The following SF3B3 variants were observed in gnomAD, a reference collection of about 807,000 sequenced individuals.
The protein encoded by SF3B3 is SAP 130.
Under a neutral mutation model 139.2 loss-of-function variants are expected in SF3B3, and 33 were observed. The observed-to-expected ratio is 0.24, with a 90% CI of 0.18 to 0.32. The LOEUF (loss-of-function observed/expected upper bound fraction) is 0.32. SF3B3 is among the 10% of genes least tolerant of loss of function. The pLI is 1.00. For missense variants in SF3B3, 818 were observed against 1,509.4 expected, an observed-to-expected ratio of 0.54 and a Z score of 7.59; for synonymous variants, 596 against 563.6, an observed-to-expected ratio of 1.06 and a Z score of -0.81.
intron 16 of SF3B3, among the ~76,000 whole-genome samples, chr16:70,561,055 CTG>C (rs1157624186): frequency 6.6e-6 from 1 of 151,470 alleles, no homozygotes; most frequent in African/African-American, 2.4e-5. Flanking sequence ...GAGTCTCACT[CTG>C]TCGCCCAGGC....
Position 70,543,101 on chromosome 16 carries a change from T to C in SF3B3, c.1233+1267T>C, listed in dbSNP as rs570735336. Among the ~76,000 whole-genome samples, 26 of 152,230 alleles carry C rather than the reference T, an allele frequency of 1.7e-4. No individual in the cohort carries two copies. In the South Asian group the frequency reaches 5.2e-3, roughly 30 times the overall value. ...AATTTGAATAAATAATGTGTGTAAA[T>C]AGTTTATTCATCAAGAATAAAATTA... On this transcript the variant is annotated intron_variant, in intron 9 of 25. Coordinates refer to ENST00000302516, the MANE Select transcript of SF3B3 (RefSeq NM_012426.5).
At chr16:70,566,408 A>G (rs1387590884) in intron 20 of SF3B3, among the ~76,000 whole-genome samples, 2 of 151,838 alleles carry the variant, frequency 1.3e-5, no homozygotes, top group South Asian at 2.1e-4. Context: ...ATTAAAAATA[A>G]AAAATCAGCC....
intron 7 of SF3B3, among the ~76,000 whole-genome samples, 193 bp downstream of exon 7, chr16:70,538,653 T>C (rs2050190438): frequency 6.6e-6 from 1 of 152,224 alleles, no homozygotes; most frequent in African/African-American, 2.4e-5. Context: ...AGAGCGGCAA[T>C]GCCACTTGTA....
At chr16:70,551,331 C>T (rs1250913161) in intron 11 of SF3B3, among the ~76,000 whole-genome samples, 4 of 152,074 alleles carry the variant, frequency 2.6e-5, no homozygotes, top group Admixed American at 2.6e-4. Context: ...ACTTGAATTC[C>T]TTAGAATGCA....
chr16:70,540,481 C>G (rs1315926078), intron 8 of SF3B3, among the ~76,000 whole-genome samples: 1 of 152,066 alleles, frequency 6.6e-6, no homozygotes, highest in Non-Finnish European at 1.5e-5. Flanking sequence ...CATCCTCGAC[C>G]TCCCAGGCTC....
chr16:70,530,699 TCTC>T, intron 3 of SF3B3, 43 bp from the exon 4 acceptor site: 2 of 1,508,292 alleles, frequency 1.3e-6, no homozygotes, highest in South Asian at 1.2e-5. Flanking sequence ...AAGTCTCTCT[TCTC>T]ATTATCTGGG....
At chr16:70,564,168 C>G (rs758983906) in intron 18 of SF3B3, 118 bp downstream of exon 18, 2 of 994,636 alleles carry the variant, frequency 2.0e-6, no homozygotes, top group Admixed American at 2.6e-5. Context: ...GCCACTAGTT[C>G]GAGACCAGCC....
At chr16:70,554,889 C>A (rs984562181) in intron 12 of SF3B3, among the ~76,000 whole-genome samples, 162 bp from the exon 13 acceptor site, 1 of 152,174 alleles carries the variant, frequency 6.6e-6, no homozygotes, top group Non-Finnish European at 1.5e-5. Context: ...TAAAAGTTGA[C>A]CTTGCCTGAG....
intron 15 of SF3B3, among the ~76,000 whole-genome samples, chr16:70,559,132 C>T (rs527314167): frequency 2.6e-5 from 4 of 152,274 alleles, no homozygotes; most frequent in South Asian, 4.1e-4. Flanking sequence ...CCCGTCAACC[C>T]TTTACTTACA....
intron 10 of SF3B3, among the ~76,000 whole-genome samples, chr16:70,545,000 A>G (rs1277969485): frequency 6.6e-6 from 1 of 152,156 alleles, no homozygotes; most frequent in Non-Finnish European, 1.5e-5. Context: ...TGCTATATAT[A>G]TTTTTGTATC....
At chr16:70,567,294 C>T (rs2151794694) in intron 20 of SF3B3, 117 bp from the exon 21 acceptor site, 1 of 1,120,414 alleles carries the variant, frequency 8.9e-7, no homozygotes, top group East Asian at 2.4e-5. Flanking sequence ...AAAATAAGCT[C>T]ACTGGTGTGT....
intron 3 of SF3B3, among the ~76,000 whole-genome samples, chr16:70,530,008 C>T (rs915396252): frequency 6.9e-5 from 3 of 43,172 alleles, no homozygotes; most frequent in Non-Finnish European, 1.2e-4. Flanking sequence ...GTGGTGGGTG[C>T]CTGTAATCCC....
At chr16:70,524,652 G>T (rs2050034635) in intron 1 of SF3B3, 1 of 151,914 alleles carries the variant, frequency 6.6e-6, no homozygotes, top group African/African-American at 2.4e-5. Context: ...TAGACTAGCT[G>T]GGATTACGGG....
At chr16:70,542,034 T>C (rs2050223358) in intron 9 of SF3B3, among the ~76,000 whole-genome samples, 200 bp downstream of exon 9, 1 of 152,114 alleles carries the variant, frequency 6.6e-6, no homozygotes, top group Non-Finnish European at 1.5e-5. Flanking sequence ...AATGTAAAAA[T>C]GCAGATCATA....
chr16:70,543,096 G>A (rs1257863823), intron 9 of SF3B3, among the ~76,000 whole-genome samples: 1 of 151,320 alleles, frequency 6.6e-6, no homozygotes, highest in Admixed American at 6.6e-5. Flanking sequence ...AATAATGTGT[G>A]TAAATAGTTT....
In SF3B3 at chr16:70,571,854, T is replaced by C; in HGVS notation, c.*41T>C. ...TGGGGCTTGCCAGAGACTGTGTGTTTTGTTTCCCCCACCACCATCACTGCC... is the reference window on the plus strand; with the variant it reads ...TGGGGCTTGCCAGAGACTGTGTGTTCTGTTTCCCCCACCACCATCACTGCC... On this transcript the variant is annotated 3_prime_UTR_variant, in exon 26 of 26. Transcript: ENST00000302516. 6.3e-7 allele frequency: 1 copy of C among 1,577,656 alleles called. No homozygotes were observed. The highest frequency in any genetic ancestry group is 8.6e-7 in the Non-Finnish European group (1 of 1,163,512).
intron 9 of SF3B3, 34 bp downstream of exon 9, chr16:70,541,868 A>ACC: frequency 6.4e-7 from 1 of 1,573,432 alleles, no homozygotes; most frequent in Non-Finnish European, 8.7e-7. Context: ...TCCACAATAG[A>ACC]TCTAAAGTTA....
chr16:70,526,668 C>T lies in SF3B3; in HGVS notation c.12C>T (p.Tyr4=), dbSNP rs201732810. Residue 4 remains tyrosine, a synonymous_variant, in exon 2 of 26, where the codon TAC becomes TAT. Transcript: ENST00000302516. ...GGTTTCCTGCAGCCATGTTTCTGTACAACTTAACCTTGCAGAGAGCCACTG... is the reference window on the plus strand; with the variant it reads ...GGTTTCCTGCAGCCATGTTTCTGTATAACTTAACCTTGCAGAGAGCCACTG... MFL[Y]NLTLQRATGI... is the part of the protein sequence containing the mutation. 1.9e-6 allele frequency: 3 copies of T among 1,613,976 alleles called. No individual in the cohort carries two copies. The highest frequency in any genetic ancestry group is 2.7e-5 in the African/African-American group (2 of 75,058).
At position 70,539,172 on chromosome 16, in the gene SF3B3, A is replaced by G; in HGVS notation, c.1032A>G (p.Thr344=). ...PVAAAMCVLK[T]GFLFVASEFG... is the part of the protein sequence containing the mutation. ...CTGCTGCCATGTGTGTGCTTAAAAC[A>G]GGGTTCCTTTTTGTAGCATCAGAAT... Residue 344 remains threonine, a synonymous_variant, in exon 8 of 26, where the codon ACA becomes ACG. Coordinates refer to ENST00000302516, the MANE Select transcript of SF3B3 (RefSeq NM_012426.5). The G allele has an allele frequency of 6.2e-7, 1 of 1,614,054 alleles. No homozygotes were observed. The highest frequency in any genetic ancestry group is 8.5e-7 in the Non-Finnish European group (1 of 1,179,892).
Sources: gnomAD v4.1 joint callset for allele counts (sites outside exome capture counted in the v4.1 genomes callset) on GRCh38, gnomAD v4.1.1 for gene constraint, MANE v1.5 for transcripts, NCBI Gene and HGNC (gene_info 2026-07-23, HGNC 2026-07-21) for gene names.